Variants in ANO10 observed in about 807,000 individuals in gnomAD.
The protein encoded by ANO10 is anoctamin 10.
In ANO10, 77 loss-of-function variants were observed where a neutral mutation model predicts 74.7. The ratio of observed to expected loss-of-function variants is 1.03; its 90% CI spans 0.86 to 1.25. ANO10 has a LOEUF of 1.25. ANO10 is among the 50% of genes most tolerant of loss of function. The probability of loss-of-function intolerance (pLI) is 0.00; values close to 1 mark genes in which losing one functional copy is unlikely to be tolerated. For missense variants in ANO10, 721 were observed against 778.1 expected (o/e 0.93, Z 0.87); for synonymous variants, 279 against 284.9 (o/e 0.98, Z 0.21).
chr3:43,368,247 AAG>A (rs1003914101), intron 12 of ANO10, among the ~76,000 whole-genome samples: 25 of 152,234 alleles, frequency 1.6e-4, no homozygotes, highest in African/African-American at 6.0e-4. Flanking sequence ...TTTGATGAGA[AAG>A]GGGGCTACGG....
intron 11 of ANO10, among the ~76,000 whole-genome samples, chr3:43,468,760 G>C (rs1477989902): frequency 1.3e-5 from 2 of 150,996 alleles, no homozygotes; most frequent in Admixed American, 1.3e-4. Context: ...GCCCAGGCTG[G>C]AGTGCAGTAG....
chr3:43,376,088 G>A (rs1251562341), intron 12 of ANO10, among the ~76,000 whole-genome samples: 1 of 152,196 alleles, frequency 6.6e-6, no homozygotes, highest in Non-Finnish European at 1.5e-5. Flanking sequence ...TGGTGATGGA[G>A]AGCTGCTGAA....
intron 12 of ANO10, among the ~76,000 whole-genome samples, chr3:43,429,411 G>C (rs562850188): frequency 6.8e-4 from 103 of 152,158 alleles, no homozygotes; most frequent in Non-Finnish European, 1.2e-3. Flanking sequence ...AAAATTTACT[G>C]TATAGATATA....
intron 1 of ANO10, among the ~76,000 whole-genome samples, chr3:43,647,793 G>A (rs993414740): frequency 6.6e-6 from 1 of 152,188 alleles, no homozygotes; most frequent in Non-Finnish European, 1.5e-5. Context: ...TAACAGTAGT[G>A]TGACATAGAT....
intron 12 of ANO10, among the ~76,000 whole-genome samples, chr3:43,390,532 C>T (rs77463213): frequency 0.16 from 24,927 of 152,216 alleles, 2,204 homozygotes; most frequent in Admixed American, 0.22. Flanking sequence ...TCTATGAAGC[C>T]TCCTTAGCCC....
At chr3:43,607,747 A>G (rs1330047842) in intron 1 of ANO10, among the ~76,000 whole-genome samples, 1 of 152,246 alleles carries the variant, frequency 6.6e-6, no homozygotes, top group East Asian at 1.9e-4. Flanking sequence ...AGGACTTTAA[A>G]ATAATGATCA....
chr3:43,470,962 T>C (rs777859761), intron 11 of ANO10, among the ~76,000 whole-genome samples: 1 of 152,174 alleles, frequency 6.6e-6, no homozygotes, highest in African/African-American at 2.4e-5. Context: ...ATAATTTTTC[T>C]ATAAAACTAA....
intron 1 of ANO10, among the ~76,000 whole-genome samples, chr3:43,638,043 C>T (rs1488716939): frequency 4.6e-5 from 7 of 152,068 alleles, no homozygotes; most frequent in Admixed American, 2.6e-4. Flanking sequence ...AATTGAGATA[C>T]GTCGTTTAAT....
intron 12 of ANO10, among the ~76,000 whole-genome samples, chr3:43,386,648 C>CGTGTGTGTGTGTGTGTGT (rs36065814): frequency 1.4e-5 from 2 of 139,892 alleles, no homozygotes; most frequent in Non-Finnish European, 3.1e-5. Context: ...TAGGTGTGTA[C>CGTGTGTGTGTGTGTGTGT]GTGTGTGTGT....
intron 11 of ANO10, among the ~76,000 whole-genome samples, chr3:43,463,519 T>C (rs1237689380): frequency 6.6e-6 from 1 of 152,158 alleles, no homozygotes; most frequent in Admixed American, 6.5e-5. Context: ...TCAAAGGAGA[T>C]CATTTTGGAG....
intron 11 of ANO10, among the ~76,000 whole-genome samples, chr3:43,499,415 AGTCT>A (rs774476847): frequency 1.3e-5 from 2 of 152,162 alleles, no homozygotes; most frequent in Non-Finnish European, 2.9e-5. Context: ...TGGCAGAGGA[AGTCT>A]GTCTTAGATT....
intron 11 of ANO10, among the ~76,000 whole-genome samples, chr3:43,477,536 A>AAAAGTCAT (rs1471223510): frequency 1.3e-5 from 2 of 152,208 alleles, no homozygotes; most frequent in Non-Finnish European, 2.9e-5. Flanking sequence ...GTCATTGCAT[A>AAAAGTCAT]AAAGTCATTT....
chr3:43,637,469 A>AAAACAAAC (rs376730826), intron 1 of ANO10: 13 of 152,330 alleles, frequency 8.5e-5, no homozygotes, highest in Admixed American at 3.9e-4. Flanking sequence ...ACTCCATCTC[A>AAAACAAAC]AAACAAACAA....
At chr3:43,511,965 A>G (rs940776641) in intron 11 of ANO10, among the ~76,000 whole-genome samples, 1 of 152,168 alleles carries the variant, frequency 6.6e-6, no homozygotes, top group Admixed American at 6.5e-5. Context: ...CAAATTCTAA[A>G]GCAGCAGAGT....
At chr3:43,587,919 A>T (rs2081552610) in intron 4 of ANO10, among the ~76,000 whole-genome samples, 1 of 152,232 alleles carries the variant, frequency 6.6e-6, no homozygotes, top group Non-Finnish European at 1.5e-5. Context: ...CCTATGTGAT[A>T]AAATGGAAAC....
intron 11 of ANO10, among the ~76,000 whole-genome samples, chr3:43,482,586 C>G (rs1559596357): frequency 6.6e-6 from 1 of 152,168 alleles, no homozygotes; most frequent in Non-Finnish European, 1.5e-5. Context: ...TTCCAATAGT[C>G]AAAGATGGCC....
chr3:43,387,297 G>T (rs149652380), intron 12 of ANO10, among the ~76,000 whole-genome samples: 1 of 152,282 alleles, frequency 6.6e-6, no homozygotes, highest in South Asian at 2.1e-4. Context: ...TGACCAAAAC[G>T]TCGTCACACA....
intron 11 of ANO10, among the ~76,000 whole-genome samples, chr3:43,527,347 C>A (rs1282071626): frequency 6.6e-6 from 1 of 151,868 alleles, no homozygotes; most frequent in Non-Finnish European, 1.5e-5. Context: ...TATGATAATT[C>A]AAATAATATA....
intron 12 of ANO10, among the ~76,000 whole-genome samples, chr3:43,396,824 T>C (rs2092391318): frequency 6.6e-6 from 1 of 152,114 alleles, no homozygotes; most frequent in African/African-American, 2.4e-5. Flanking sequence ...TGCACCAGCA[T>C]GCCAGGTCAT....
Sources: gnomAD v4.1 joint callset for allele counts (sites outside exome capture counted in the v4.1 genomes callset) on GRCh38, gnomAD v4.1.1 for gene constraint, MANE v1.5 for transcripts, NCBI Gene and HGNC (gene_info 2026-07-23, HGNC 2026-07-21) for gene names.